The following NUP210 variants were observed in gnomAD, a reference collection of about 807,000 sequenced individuals.
The protein encoded by NUP210 is nuclear pore membrane glycoprotein 210.
Under a neutral mutation model 196.0 loss-of-function variants are expected in NUP210, and 151 were observed. The ratio of observed to expected loss-of-function variants is 0.77; its 90% confidence interval spans 0.67 to 0.88. The LOEUF is 0.88. NUP210 is among the 40% of genes least tolerant of loss of function. The probability of loss-of-function intolerance (pLI) is 0.00; values close to 1 mark genes in which losing one functional copy is unlikely to be tolerated. For synonymous variants in NUP210, 1,070 were observed against 1,052.7 expected, an observed-to-expected ratio of 1.02 and a Z score of -0.32; for missense variants, 2,314 against 2,493.7, an observed-to-expected ratio of 0.93 and a Z score of 1.53.
chr3:13,378,765 G>C lies in NUP210; in HGVS notation c.1045+147C>G, dbSNP rs1189680835. The C allele has an allele frequency of 2.8e-5, 18 of 654,296 alleles. No individual in the cohort carries two copies. The Admixed American group carries it at 2.8e-4, about 10-fold the overall frequency. The allele number at this position is 654,296 out of a possible 1,614,324, so 40.5% of individuals were successfully genotyped here. A position where few individuals can be genotyped will look rare whatever the true frequency, so the allele number is the denominator to read the frequency against. ...ACACCAAACAGGGAAGGGCTGGTGAGTGCCCTGGGCAATGATGGTCATAGC... is the reference window on the plus strand; with the variant it reads ...ACACCAAACAGGGAAGGGCTGGTGACTGCCCTGGGCAATGATGGTCATAGC... On this transcript the variant is annotated intron_variant, in intron 8 of 39. Coordinates refer to ENST00000254508, the MANE Select transcript of NUP210 (RefSeq NM_024923.4).
chr3:13,380,724 C>G (rs761918834), intron 6 of NUP210, among the ~76,000 whole-genome samples: 1 of 152,200 alleles, frequency 6.6e-6, no homozygotes, highest in Non-Finnish European at 1.5e-5. Context: ...CAGCTCAGGG[C>G]TTCAACACCC....
intron 14 of NUP210, among the ~76,000 whole-genome samples, chr3:13,362,422 A>C (rs997560244): frequency 6.6e-6 from 1 of 152,180 alleles, no homozygotes; most frequent in Non-Finnish European, 1.5e-5. Context: ...TCTATGAGGA[A>C]GGAAGCCCTC....
At chr3:13,394,931 C>T (rs373679013) in intron 3 of NUP210, among the ~76,000 whole-genome samples, 11 of 152,228 alleles carry the variant, frequency 7.2e-5, no homozygotes, top group African/African-American at 2.2e-4. Flanking sequence ...TATTTCGGGG[C>T]GAGGAGGACC....
At position 13,323,498 on chromosome 3, in the gene NUP210, C is replaced by G; in HGVS notation, c.4645-66G>C. 6.4e-7 allele frequency: 1 copy of G among 1,573,110 alleles called. No individual in the cohort carries two copies. The highest frequency in any genetic ancestry group is 8.7e-7 in the Non-Finnish European group (1 of 1,149,182). On this transcript the variant is annotated intron_variant, in intron 33 of 39. Transcript: ENST00000254508. The surrounding 1 kb of genome is among the most constrained non-coding windows in gnomAD (Gnocchi z 4.3). The stretch of plus-strand genomic sequence containing the variant: ...TGTCCCGGTCCATGCTGGGCGTTTC[C>G]ACAACCTCACCCTGCAGTCTGTGAC...
In NUP210 at chr3:13,350,942, C is replaced by A. The variant is rs1697950504; in HGVS notation, c.2835+937G>T. Among the ~76,000 whole-genome samples, 1 of 152,076 alleles carries A rather than the reference C, an allele frequency of 6.6e-6. No homozygotes were observed. The highest frequency in any genetic ancestry group is 1.5e-5 in the Non-Finnish European group (1 of 67,996). ...CTCAATCTCCTGACCTTGTGATCAG[C>A]CTGCCTCGGCCTCCCAAAGTGCTGG... is the stretch of plus-strand genomic sequence containing the variant. On this transcript the variant is annotated intron_variant, in intron 20 of 39. Transcript: ENST00000254508. The surrounding 1 kb of genome is among the most constrained non-coding windows in gnomAD (Gnocchi z 4.1).
In NUP210 at chr3:13,335,394, A is replaced by G; in HGVS notation, c.3843+60T>C. On this transcript the variant is annotated intron_variant, in intron 28 of 39. Coordinates refer to ENST00000254508, the MANE Select transcript of NUP210 (RefSeq NM_024923.4). ...CCATGCAACATGTGGCCCCGAAGGAAGATTGGGCAGCTGGCACTTCCTCTC... is the reference window on the plus strand; with the variant it reads ...CCATGCAACATGTGGCCCCGAAGGAGGATTGGGCAGCTGGCACTTCCTCTC... 3.8e-6 allele frequency: 6 copies of G among 1,569,650 alleles called. No individual in the cohort carries two copies. In the South Asian group the frequency reaches 6.8e-5, roughly 18 times the overall value.
Position 13,344,781 on chromosome 3 carries a change from TCATA to T in NUP210, c.2836-1482_2836-1479del, listed in dbSNP as rs1476757633. On this transcript the variant is annotated intron_variant, in intron 20 of 39. Transcript: ENST00000254508. ...CAGCCACGCAGGCCTTCTCTCCCAC[TCATA>T]CAGACAGCTTGCTGCTGCCTGCCTC... 4 of 223,348 alleles carry T rather than the reference TCATA, an allele frequency of 1.8e-5. No homozygotes were observed. In the Admixed American group the frequency reaches 2.0e-4, roughly 11 times the overall value. The allele number at this position is 223,348 out of a possible 1,614,324, so 13.8% of individuals were successfully genotyped here. A position where few individuals can be genotyped will look rare whatever the true frequency, so the allele number is the denominator to read the frequency against.
chr3:13,355,678 C>T (rs1308487211), intron 16 of NUP210, among the ~76,000 whole-genome samples: 1 of 152,230 alleles, frequency 6.6e-6, no homozygotes, highest in Non-Finnish European at 1.5e-5. Flanking sequence ...GCTACAAATT[C>T]TTAATCCACA....
intron 1 of NUP210, among the ~76,000 whole-genome samples, chr3:13,400,984 G>C (rs1256823709): frequency 6.6e-6 from 1 of 152,106 alleles, no homozygotes; most frequent in Non-Finnish European, 1.5e-5. Context: ...GTGGCCAGGC[G>C]CAGTGGCTCA....
Position 13,360,358 on chromosome 3 carries a change from C to T in NUP210, c.2066G>A (p.Ser689Asn), listed in dbSNP as rs1391704578. 2.5e-6 allele frequency: 4 copies of T among 1,614,238 alleles called. No homozygotes were observed. Among genetic ancestry groups the T allele is most frequent in the Non-Finnish European group, 3.4e-6 (4 of 1,180,034 alleles). Residue 689 changes from serine (S) to asparagine (N), a missense_variant, in exon 15 of 40, where the codon AGC becomes AAC. By Grantham distance (46) the Ser-to-Asn change is conservative (BLOSUM62 1). Coordinates refer to ENST00000254508, the MANE Select transcript of NUP210 (RefSeq NM_024923.4). Reference sequence around the variant, plus strand: ...GGGGGCAAAGAGAGCCAGGCCGATGCTGTCAGTGTCCTCAGCGGTGACGTT... The same window carrying T: ...GGGGGCAAAGAGAGCCAGGCCGATGTTGTCAGTGTCCTCAGCGGTGACGTT... ...FQNVTAEDTD[S>N]IGLALFAPHS...
chr3:13,328,987 G>GTCCCT, intron 30 of NUP210, 41 bp from the exon 31 acceptor site: 1 of 1,583,812 alleles, frequency 6.3e-7, no homozygotes, highest in Non-Finnish European at 8.6e-7. Flanking sequence ...TTCAGTGCCA[G>GTCCCT]GGACTGGCCT....
At position 13,397,445 on chromosome 3, in the gene NUP210, G is replaced by C; in HGVS notation, c.348C>G (p.Ile116Met). The C allele has an allele frequency of 6.2e-7, 1 of 1,613,000 alleles. No individual in the cohort carries two copies. Among genetic ancestry groups the C allele is most frequent in the Non-Finnish European group, 8.5e-7 (1 of 1,179,538 alleles). ...TGGTGGAGACGATCTGGATGTCATG[G>C]ATGAGGTCCACAATGGCATCACAGC... ...VLRCDAIVDL[I>M]HDIQIVSTTR... The change falls in exon 3 of 40, where the codon ATC (isoleucine) becomes ATG (methionine). Residue 116 changes from isoleucine (I) to methionine (M), a missense_variant. By Grantham distance (10) the Ile-to-Met change is conservative. Transcript: ENST00000254508.
intron 17 of NUP210, 61 bp downstream of exon 17, chr3:13,353,854 G>A: frequency 6.6e-7 from 1 of 1,511,390 alleles, no homozygotes. Flanking sequence ...GCCCACCTTG[G>A]CAGGCTTCCT....
chr3:13,365,784 C>A (rs77180204), intron 14 of NUP210, among the ~76,000 whole-genome samples, 162 bp downstream of exon 14: 2 of 152,374 alleles, frequency 1.3e-5, no homozygotes, highest in East Asian at 3.9e-4. Flanking sequence ...GCTCCTTCCA[C>A]ATGAATCCTG....
rs768869358 is a variant in NUP210 at position 13,376,330 on chromosome 3, C to T, written c.1254G>A (p.Gln418=). Residue 418 remains glutamine (Q), a synonymous_variant, in exon 10 of 40, where the codon CAG becomes CAA. Coordinates refer to ENST00000254508, the MANE Select transcript of NUP210 (RefSeq NM_024923.4). The stretch of plus-strand genomic sequence containing the variant: ...AGGTGAGGGCCGCGTCAATGGCCGT[C>T]TGTCCCCTCTTTAGTGCCCTGATGC... ...YHRIRALKRG[Q]TAIDAALTSV... 4 of 1,614,124 alleles carry T rather than the reference C, an allele frequency of 2.5e-6. No individual in the cohort carries two copies. Among genetic ancestry groups the T allele is most frequent in the Admixed American group, 1.7e-5 (1 of 60,018 alleles).
intron 13 of NUP210, among the ~76,000 whole-genome samples, chr3:13,369,489 C>T (rs1698652766): frequency 6.6e-6 from 1 of 152,008 alleles, no homozygotes; most frequent in South Asian, 2.1e-4. Context: ...AAAAAAATGC[C>T]AAATTCCAAT....
chr3:13,393,528 G>A (rs1222914519), intron 3 of NUP210, among the ~76,000 whole-genome samples: 1 of 152,242 alleles, frequency 6.6e-6, no homozygotes, highest in Non-Finnish European at 1.5e-5. Context: ...GCTCCGTGCA[G>A]ATGAGAACAC....
chr3:13,328,727 C>T, intron 31 of NUP210, 44 bp downstream of exon 31: 1 of 1,561,970 alleles, frequency 6.4e-7, no homozygotes, highest in Admixed American at 1.7e-5. Context: ...TACCAGGTAC[C>T]AGACAGGACT....
chr3:13,372,100 A>C, intron 12 of NUP210, 68 bp from the exon 13 acceptor site: 1 of 1,381,146 alleles, frequency 7.2e-7, no homozygotes, highest in South Asian at 1.4e-5. Context: ...TTGCTCGGAT[A>C]TCCTAAGTGC....
Sources: allele counts gnomAD v4.1 joint callset (sites outside exome capture counted in the v4.1 genomes callset), GRCh38; gene constraint gnomAD v4.1.1; non-coding constraint Gnocchi (gnomAD v3.1); transcripts MANE v1.5; gene names NCBI Gene and HGNC (gene_info 2026-07-23, HGNC 2026-07-21).